The following SLC60A1 variants were observed in gnomAD, a reference collection of about 807,000 sequenced individuals.
The protein encoded by SLC60A1 is solute carrier family 60 member 1.
At chr1:205,586,290 C>A in the SLC60A1 span, 119 of 1,515,854 alleles carry the variant, frequency 7.9e-5, no homozygotes, top group Non-Finnish European at 1.0e-4. Flanking sequence ...GGACGTTTGC[C>A]CAGGCCTACA....
the SLC60A1 span, chr1:205,592,057 G>A: frequency 3.2e-6 from 5 of 1,567,120 alleles, no homozygotes; most frequent in South Asian, 3.5e-5. Context: ...CGCCAAGCCA[G>A]GAGACGCCGA....
At chr1:205,580,623 A>ACCCCCCC in the SLC60A1 span, 8 of 1,570,434 alleles carry the variant, frequency 5.1e-6, no homozygotes, top group South Asian at 2.2e-5. This position sits in a 1 kb window ranked among gnomAD's most constrained non-coding sequence, Gnocchi z 5.0. Context: ...CTGAAGACTG[A>ACCCCCCC]CCCCCACCCC....
At chr1:205,597,539 C>G in the SLC60A1 span, 1 of 376,796 alleles carries the variant, frequency 2.7e-6, no homozygotes, top group South Asian at 2.5e-5. Context: ...CAGGTGCACA[C>G]CACCATGCCC....
At chr1:205,570,734 G>A in the SLC60A1 span, among the ~76,000 whole-genome samples, 1 of 152,216 alleles carries the variant, frequency 6.6e-6, no homozygotes, top group Non-Finnish European at 1.5e-5. Context: ...ACAAGCTCAA[G>A]ATTCATTCTG....
chr1:205,599,351 G>A, the SLC60A1 span: 25 of 1,437,506 alleles, frequency 1.7e-5, no homozygotes, highest in Admixed American at 6.6e-5. Flanking sequence ...TGCCAGAAAC[G>A]CTGCTCTGTT....
At chr1:205,600,174 G>A in the SLC60A1 span, 2 of 476,498 alleles carry the variant, frequency 4.2e-6, no homozygotes, top group Non-Finnish European at 7.5e-6. Flanking sequence ...CACTTAATGG[G>A]CTCCTTATTC....
At chr1:205,599,303 G>A in the SLC60A1 span, 61 of 1,602,710 alleles carry the variant, frequency 3.8e-5, no homozygotes, top group Middle Eastern at 1.7e-4. Flanking sequence ...AGCCGGGGTC[G>A]GGGAGCGGGG....
the SLC60A1 span, among the ~76,000 whole-genome samples, chr1:205,592,643 C>A: frequency 1.3e-5 from 2 of 152,076 alleles, no homozygotes; most frequent in East Asian, 3.9e-4. Flanking sequence ...AAATGAACAC[C>A]CCCCTCCTGA....
At chr1:205,595,404 C>T in the SLC60A1 span, among the ~76,000 whole-genome samples, 2 of 152,152 alleles carry the variant, frequency 1.3e-5, no homozygotes, top group African/African-American at 4.8e-5. Context: ...AGGAAGTGTC[C>T]CTCTCCAGGA....
the SLC60A1 span, among the ~76,000 whole-genome samples, chr1:205,576,100 GC>G: frequency 6.6e-6 from 1 of 152,172 alleles, no homozygotes; most frequent in African/African-American, 2.4e-5. Context: ...AGTGAGTGGG[GC>G]GGGGGACAAG....
chr1:205,570,821 A>G, the SLC60A1 span, among the ~76,000 whole-genome samples: 3 of 152,376 alleles, frequency 2.0e-5, no homozygotes, highest in South Asian at 6.2e-4. Flanking sequence ...ACTTTGACTT[A>G]CAAAAGCTCC....
At chr1:205,580,556 G>A in the SLC60A1 span, 1 of 1,421,976 alleles carries the variant, frequency 7.0e-7, no homozygotes. The surrounding 1 kb of genome is among the most constrained non-coding windows in gnomAD (Gnocchi z 5.0). Flanking sequence ...GTGGGGCTGG[G>A]GGAGGGGGCT....
the SLC60A1 span, among the ~76,000 whole-genome samples, chr1:205,594,828 G>A: frequency 3.0e-4 from 45 of 152,168 alleles, no homozygotes; most frequent in Admixed American, 2.6e-3. Flanking sequence ...CTTCTTTGAT[G>A]GGTCTTGGCT....
chr1:205,585,137 TC>T, the SLC60A1 span: 1 of 648,532 alleles, frequency 1.5e-6, no homozygotes. This position sits in a 1 kb window ranked among gnomAD's most constrained non-coding sequence, Gnocchi z 4.2. Context: ...TAATCTGAAG[TC>T]CTAGGGTGAC....
the SLC60A1 span, among the ~76,000 whole-genome samples, chr1:205,571,837 T>A: frequency 6.6e-6 from 1 of 152,250 alleles, no homozygotes; most frequent in East Asian, 1.9e-4. Flanking sequence ...GCTAACGCTC[T>A]CACTTGGTTT....
the SLC60A1 span, among the ~76,000 whole-genome samples, chr1:205,573,019 C>T: frequency 6.6e-6 from 1 of 152,140 alleles, no homozygotes; most frequent in Non-Finnish European, 1.5e-5. Flanking sequence ...TTCCAGCTAC[C>T]TGAGAGGCTG....
At chr1:205,569,411 T>A in the SLC60A1 span, 2 of 676,700 alleles carry the variant, frequency 3.0e-6, no homozygotes, top group African/African-American at 2.2e-5. Context: ...CCCGTGGGGC[T>A]GCCCGTCGCC....
the SLC60A1 span, chr1:205,584,177 G>A: frequency 5.2e-6 from 8 of 1,524,518 alleles, no homozygotes; most frequent in South Asian, 8.3e-5. Flanking sequence ...GGCTTCCTTG[G>A]TAACCCCTCT....
chr1:205,596,700 A>G, the SLC60A1 span, among the ~76,000 whole-genome samples: 2 of 152,004 alleles, frequency 1.3e-5, no homozygotes, highest in East Asian at 3.9e-4. Flanking sequence ...AGCCTGAGCC[A>G]TTAGCAGGGG....
Sources: allele counts gnomAD v4.1 joint callset (sites outside exome capture counted in the v4.1 genomes callset), GRCh38; gene constraint gnomAD v4.1.1; non-coding constraint Gnocchi (gnomAD v3.1); transcripts MANE v1.5; gene names NCBI Gene and HGNC (gene_info 2026-07-23, HGNC 2026-07-21).